The following PTPRG variants were observed in gnomAD, a reference collection of about 807,000 sequenced individuals.
PTPRG encodes the protein receptor-type tyrosine-protein phosphatase gamma.
A neutral mutation model predicts 165.3 loss-of-function variants in PTPRG; 102 were observed. The observed-to-expected ratio is 0.62, with a 90% confidence interval of 0.53 to 0.73. The LOEUF (loss-of-function observed/expected upper bound fraction) is 0.73, where lower values mean the gene tolerates loss of function less well. Ranked by LOEUF, PTPRG falls within the 30% of genes least tolerant of loss-of-function variation. The probability of loss-of-function intolerance (pLI) is 0.00; values close to 1 mark genes in which losing one functional copy is unlikely to be tolerated. For synonymous variants in PTPRG, 675 were observed against 669.5 expected (o/e 1.01, Z -0.13); for missense variants, 1,866 against 1,861.4 (o/e 1.00, Z -0.05).
intron 2 of PTPRG, among the ~76,000 whole-genome samples, chr3:61,781,045 A>G (rs943803385): frequency 1.3e-5 from 2 of 152,218 alleles, no homozygotes; most frequent in Non-Finnish European, 2.9e-5. Flanking sequence ...TATCTTAGCT[A>G]ATTTCACATG....
At position 61,742,968 on chromosome 3, in the gene PTPRG, C is replaced by T. The variant is rs918499388; in HGVS notation, c.86-5910C>T. 6 of 1,504,856 alleles carry T rather than the reference C, an allele frequency of 4.0e-6. 1 individual carries two copies. In the East Asian group the frequency reaches 9.0e-5, roughly 23 times the overall value. 93.2% of individuals were successfully genotyped at this position (1,504,856 alleles called of 1,614,324 possible). ...TAAGTCTGACGGTGCCCGAGAAGCA[C>T]TTGTCCTTCTGGGGGTCATAGTTCT... On this transcript the variant is annotated intron_variant, in intron 1 of 29. Coordinates refer to ENST00000474889, the MANE Select transcript of PTPRG (RefSeq NM_002841.4).
At chr3:62,108,094 G>A (rs984585664) in intron 5 of PTPRG, among the ~76,000 whole-genome samples, 2 of 151,104 alleles carry the variant, frequency 1.3e-5, no homozygotes, top group African/African-American at 4.9e-5. Flanking sequence ...TGTGCAGAAT[G>A]TGCAGGTTTG....
chr3:62,112,744 G>A (rs935277900), intron 5 of PTPRG, among the ~76,000 whole-genome samples: 1 of 152,110 alleles, frequency 6.6e-6, no homozygotes, highest in African/African-American at 2.4e-5. Flanking sequence ...CTGATATCAG[G>A]GTAACACCTG....
intron 7 of PTPRG, among the ~76,000 whole-genome samples, chr3:62,159,179 A>T (rs1704650232): frequency 6.6e-6 from 1 of 152,150 alleles, no homozygotes; most frequent in Non-Finnish European, 1.5e-5. Context: ...AAAATTAAAA[A>T]ATTATCCAGG....
intron 12 of PTPRG, among the ~76,000 whole-genome samples, chr3:62,208,735 G>A (rs575683982): frequency 3.3e-5 from 5 of 152,288 alleles, no homozygotes; most frequent in South Asian, 4.1e-4. Flanking sequence ...ACCATGAGGC[G>A]CCTCTTTGGA....
intron 1 of PTPRG, among the ~76,000 whole-genome samples, chr3:61,642,509 A>G (rs962556072): frequency 2.0e-5 from 3 of 152,172 alleles, no homozygotes; most frequent in Admixed American, 6.5e-5. Context: ...AATACCCAGA[A>G]GAGGTCTGCA....
rs922819073 is a variant in PTPRG at position 61,633,022 on chromosome 3, C to T, written c.85+70650C>T. 2.0e-5 allele frequency among the ~76,000 whole-genome samples: 3 copies of T among 152,156 alleles called. No homozygotes were observed. In the East Asian group the frequency reaches 5.8e-4, roughly 29 times the overall value. On this transcript the variant is annotated intron_variant, in intron 1 of 29. Transcript: ENST00000474889. ...GTTCAGTTACACAGAAAGAGTCATC[C>T]CCACCATCCTTCTTCTTGATTTGGC... is the stretch of plus-strand genomic sequence containing the variant.
At position 62,203,936 on chromosome 3, in the gene PTPRG, T is replaced by C. The variant is rs748535428; in HGVS notation, c.2141T>C (p.Ile714Thr). Residue 714 changes from isoleucine to threonine, a missense_variant, in exon 12 of 30, where the codon ATC becomes ACC. Ile to Thr is a moderately conservative substitution (Grantham distance 89). This residue lies in a region of PTPRG where 1,452 missense variants were observed against 1,463.0 expected (regional missense o/e 0.99). Transcript: ENST00000474889. The surrounding 1 kb of genome is among the most constrained non-coding windows in gnomAD (Gnocchi z 6.4). Reference sequence around the variant, plus strand: ...CGATTTTCTGAAGACAGCAGATTTATCACTGTTAATCCAGGTAAGTGGTGC... The same window carrying C: ...CGATTTTCTGAAGACAGCAGATTTACCACTGTTAATCCAGGTAAGTGGTGC... Reference protein sequence around the residue: ...GDRFSEDSRFITVNPAEKNTS... With the variant: ...GDRFSEDSRFTTVNPAEKNTS... 2 of 1,582,298 alleles carry C rather than the reference T, an allele frequency of 1.3e-6. No individual in the cohort carries two copies. The highest frequency in any genetic ancestry group is 1.2e-5 in the South Asian group (1 of 86,616).
At chr3:61,921,078 T>C (rs2107561174) in intron 2 of PTPRG, among the ~76,000 whole-genome samples, 1 of 151,766 alleles carries the variant, frequency 6.6e-6, no homozygotes, top group African/African-American at 2.4e-5. Context: ...CTTTCTTTTC[T>C]CCTTCCTTCT....
chr3:62,055,347 A>C lies in PTPRG; in HGVS notation c.520-22816A>C, dbSNP rs183910358. On this transcript the variant is annotated intron_variant, in intron 4 of 29. Coordinates refer to ENST00000474889, the MANE Select transcript of PTPRG (RefSeq NM_002841.4). ...ACAGAAATATCGCTAATAAGGCTTA[A>C]ATCATTGAGGCTGGGCATGCTAATG... 1.5e-3 allele frequency among the ~76,000 whole-genome samples: 226 copies of C among 152,342 alleles called. 1 individual carries two copies. Among genetic ancestry groups the C allele is most frequent in the African/African-American group, 5.2e-3 (216 of 41,590 alleles).
chr3:62,151,085 C>T (rs1428790179), intron 6 of PTPRG, among the ~76,000 whole-genome samples: 2 of 152,110 alleles, frequency 1.3e-5, no homozygotes, highest in African/African-American at 4.8e-5. Context: ...TCCAATTATC[C>T]ATGTTTGAAT....
chr3:62,052,907 T>C (rs1700509112), intron 4 of PTPRG, among the ~76,000 whole-genome samples: 1 of 152,204 alleles, frequency 6.6e-6, no homozygotes, highest in Admixed American at 6.5e-5. Context: ...CTTCTTTCTG[T>C]TTGTCAGATA....
intron 2 of PTPRG, among the ~76,000 whole-genome samples, chr3:61,855,249 G>C (rs1347879202): frequency 6.6e-6 from 1 of 152,180 alleles, no homozygotes; most frequent in African/African-American, 2.4e-5. Flanking sequence ...CTGGGCTCTT[G>C]TTCTAGATTA....
chr3:62,152,312 C>CG (rs1342726766), intron 6 of PTPRG, among the ~76,000 whole-genome samples: 2 of 151,796 alleles, frequency 1.3e-5, no homozygotes, highest in Admixed American at 1.3e-4. Context: ...TTCAAGGTTG[C>CG]GGTGCCACCA....
chr3:62,176,559 A>G (rs1192660690), intron 8 of PTPRG, among the ~76,000 whole-genome samples: 2 of 152,114 alleles, frequency 1.3e-5, no homozygotes, highest in Non-Finnish European at 2.9e-5. Flanking sequence ...AAGGAAACAT[A>G]CTTGTGGGAA....
At chr3:61,894,365 G>A (rs558897190) in intron 2 of PTPRG, among the ~76,000 whole-genome samples, 40 of 147,086 alleles carry the variant, frequency 2.7e-4, no homozygotes, top group Non-Finnish European at 5.7e-4. Flanking sequence ...GGTGCTGGAG[G>A]AGTTGGAAAC....
chr3:62,185,950 T>C (rs889156912), intron 8 of PTPRG, among the ~76,000 whole-genome samples: 13 of 152,206 alleles, frequency 8.5e-5, no homozygotes, highest in African/African-American at 3.1e-4. Context: ...AACTGATCTA[T>C]AGAATTCTGT....
chr3:61,966,192 C>G (rs9816571), intron 2 of PTPRG, among the ~76,000 whole-genome samples: 1 of 152,026 alleles, frequency 6.6e-6, no homozygotes, highest in Non-Finnish European at 1.5e-5. Flanking sequence ...GGAATCATCT[C>G]GCATGCTTAA....
chr3:62,141,377 A>T (rs567211528), intron 6 of PTPRG, among the ~76,000 whole-genome samples: 1 of 152,278 alleles, frequency 6.6e-6, no homozygotes, highest in South Asian at 2.1e-4. Context: ...AGGCAGGTAG[A>T]TCACTTGAGC....
Sources: allele counts gnomAD v4.1 joint callset (sites outside exome capture counted in the v4.1 genomes callset), GRCh38; gene constraint gnomAD v4.1.1; regional missense constraint gnomAD v4.1.1; non-coding constraint Gnocchi (gnomAD v3.1); transcripts MANE v1.5; gene names NCBI Gene and HGNC (gene_info 2026-07-23, HGNC 2026-07-21).